The following PRKG1 variants were observed in gnomAD, a reference collection of about 807,000 sequenced individuals.
PRKG1 encodes protein kinase cGMP-dependent 1.
PRKG1 carries 35 observed loss-of-function variants against 88.1 expected under a neutral mutation model. The observed-to-expected ratio is 0.40, with a 90% CI of 0.30 to 0.53. PRKG1 has a LOEUF of 0.53. Ranked by LOEUF, PRKG1 falls within the 20% of genes least tolerant of loss-of-function variation. The probability of loss-of-function intolerance (pLI) is 0.59; values close to 1 mark genes in which losing one functional copy is unlikely to be tolerated. For missense variants in PRKG1, 540 were observed against 839.8 expected (o/e 0.64, Z 4.41); for synonymous variants, 303 against 292.5 (o/e 1.04, Z -0.37).
At chr10:52,076,554 CAGAAGA>C (rs1373262506) in intron 7 of PRKG1, among the ~76,000 whole-genome samples, 2 of 152,108 alleles carry the variant, frequency 1.3e-5, no homozygotes, top group East Asian at 1.9e-4. Context: ...AAGACTCTGT[CAGAAGA>C]AGAAGGAGAA....
At chr10:52,211,383 G>T (rs1839966386) in intron 9 of PRKG1, among the ~76,000 whole-genome samples, 2 of 152,184 alleles carry the variant, frequency 1.3e-5, no homozygotes, top group East Asian at 1.9e-4. Flanking sequence ...AAGCATTTTT[G>T]CCCTTAAAAA....
intron 2 of PRKG1, among the ~76,000 whole-genome samples, chr10:51,458,205 G>A (rs1588977821): frequency 6.6e-6 from 1 of 152,098 alleles, no homozygotes. Context: ...TCTCATGGTA[G>A]GAAATGTATT....
chr10:51,168,915 A>G (rs1270815291), intron 2 of PRKG1, among the ~76,000 whole-genome samples: 1 of 152,192 alleles, frequency 6.6e-6, no homozygotes, highest in Non-Finnish European at 1.5e-5. Context: ...TATGAAAGGT[A>G]TCCTTGATAC....
intron 4 of PRKG1, among the ~76,000 whole-genome samples, chr10:51,828,988 T>A (rs565570781): frequency 2.3e-4 from 35 of 152,282 alleles, no homozygotes; most frequent in African/African-American, 7.7e-4. Context: ...GAAATCTGAG[T>A]GTAGCTTAAC....
chr10:51,391,064 G>C (rs1837383292), intron 2 of PRKG1, among the ~76,000 whole-genome samples: 1 of 152,172 alleles, frequency 6.6e-6, no homozygotes, highest in Non-Finnish European at 1.5e-5. Flanking sequence ...GCACTGAGAG[G>C]GGGAGAGGCT....
intron 1 of PRKG1, among the ~76,000 whole-genome samples, chr10:51,120,344 C>G (rs922732978): frequency 6.6e-6 from 1 of 152,184 alleles, no homozygotes; most frequent in Non-Finnish European, 1.5e-5. Flanking sequence ...CAAATCACAA[C>G]AAACTACAAG....
chr10:51,217,532 A>G (rs1838403852), intron 2 of PRKG1, among the ~76,000 whole-genome samples: 3 of 152,250 alleles, frequency 2.0e-5, no homozygotes, highest in South Asian at 2.1e-4. Flanking sequence ...ATTTTTATAC[A>G]TTAGAATTCA....
chr10:51,420,674 T>C (rs1213933940), intron 2 of PRKG1, among the ~76,000 whole-genome samples: 1 of 152,212 alleles, frequency 6.6e-6, no homozygotes, highest in Admixed American at 6.5e-5. Context: ...ACATAAAATC[T>C]GTACCTTCAG....
intron 5 of PRKG1, among the ~76,000 whole-genome samples, chr10:51,930,682 G>A (rs192969996): frequency 2.4e-4 from 37 of 151,576 alleles, no homozygotes; most frequent in Admixed American, 6.6e-4. Context: ...GTAGAGACGG[G>A]GTTTCACCAT....
At chr10:51,560,049 T>A (rs922236136) in intron 3 of PRKG1, among the ~76,000 whole-genome samples, 1 of 152,184 alleles carries the variant, frequency 6.6e-6, no homozygotes, top group African/African-American at 2.4e-5. Context: ...TTAATTTAAC[T>A]TTGGTACCAC....
intron 1 of PRKG1, among the ~76,000 whole-genome samples, chr10:51,117,680 T>C (rs1845160544): frequency 6.6e-6 from 1 of 152,194 alleles, no homozygotes. Flanking sequence ...AAGACAGAGT[T>C]CTAATGGAGG....
chr10:51,486,317 A>G (rs1351797884), intron 3 of PRKG1, among the ~76,000 whole-genome samples: 1 of 151,946 alleles, frequency 6.6e-6, no homozygotes, highest in Admixed American at 6.6e-5. Flanking sequence ...TAGATTCATC[A>G]TATAAGTTGT....
At chr10:51,276,890 A>C (rs941261940) in intron 2 of PRKG1, among the ~76,000 whole-genome samples, 1 of 151,954 alleles carries the variant, frequency 6.6e-6, no homozygotes, top group African/African-American at 2.4e-5. Context: ...GATCACAAAA[A>C]TTTTCTCCCA....
In PRKG1 at chr10:52,256,326, T is replaced by G. The variant is rs190895568; in HGVS notation, c.1173+4660T>G. ...CAGAGGCTCCCCTTTCTCTAAATCC[T>G]TTTCTGCTCCTAGTTTAATGGCAAA... On this transcript the variant is annotated intron_variant, in intron 10 of 17. Coordinates refer to ENST00000373980, the MANE Select transcript of PRKG1 (RefSeq NM_006258.4). Among the ~76,000 whole-genome samples, 69 of 139,072 alleles carry G rather than the reference T, an allele frequency of 5.0e-4. 4 individuals carry two copies. Among genetic ancestry groups the G allele is most frequent in the African/African-American group, 1.6e-3 (66 of 40,276 alleles). 91.2% of individuals were successfully genotyped at this position (139,072 alleles called of 152,430 possible).
At chr10:51,429,490 T>C (rs887904931) in intron 2 of PRKG1, among the ~76,000 whole-genome samples, 1 of 152,006 alleles carries the variant, frequency 6.6e-6, no homozygotes, top group African/African-American at 2.4e-5. Context: ...AGAAACTGAC[T>C]CTAAGGGTCC....
intron 9 of PRKG1, among the ~76,000 whole-genome samples, chr10:52,246,372 G>A (rs1181091420): frequency 1.3e-5 from 2 of 152,108 alleles, no homozygotes; most frequent in Non-Finnish European, 2.9e-5. Flanking sequence ...AGAGAGATGG[G>A]GAAGGGGAGG....
intron 3 of PRKG1, among the ~76,000 whole-genome samples, chr10:51,723,621 A>AAGAAAAG (rs1554835584): frequency 7.3e-5 from 11 of 150,854 alleles, no homozygotes; most frequent in Non-Finnish European, 1.5e-5. Context: ...GCATGACAAA[A>AAGAAAAG]AAAAAGAAAA....
chr10:51,875,105 TA>T (rs1424591996), intron 4 of PRKG1, among the ~76,000 whole-genome samples: 1 of 152,094 alleles, frequency 6.6e-6, no homozygotes, highest in Non-Finnish European at 1.5e-5. Flanking sequence ...GAAAACAACA[TA>T]AAGTAGTAGT....
At chr10:51,314,947 T>C (rs1457875498) in intron 2 of PRKG1, among the ~76,000 whole-genome samples, 1 of 152,202 alleles carries the variant, frequency 6.6e-6, no homozygotes, top group Admixed American at 6.5e-5. Context: ...ACTCATGCCA[T>C]TTTTCCAAAA....
Sources: allele counts gnomAD v4.1 joint callset (sites outside exome capture counted in the v4.1 genomes callset), GRCh38; gene constraint gnomAD v4.1.1; transcripts MANE v1.5; gene names NCBI Gene and HGNC (gene_info 2026-07-23, HGNC 2026-07-21).